The following CLOCK variants were observed in gnomAD, a reference collection of about 807,000 sequenced individuals.
CLOCK encodes circadian locomoter output cycles protein kaput.
A neutral mutation model predicts 118.4 loss-of-function variants in CLOCK; 43 were observed. The observed-to-expected ratio is 0.36, with a 90% CI of 0.28 to 0.47. CLOCK has a LOEUF of 0.47. Ranked by LOEUF, CLOCK falls within the 20% of genes least tolerant of loss-of-function variation. CLOCK has a pLI of 1.00. For synonymous variants in CLOCK, 326 were observed against 339.2 expected (o/e 0.96, Z 0.43); for missense variants, 846 against 999.9 (o/e 0.85, Z 2.08).
chr4:55,512,077 G>C lies in CLOCK; in HGVS notation c.-289-2012C>G, dbSNP rs145569234. Among the ~76,000 whole-genome samples, 997 of 151,950 alleles carry C rather than the reference G, an allele frequency of 6.6e-3. 17 individuals carry two copies. The highest frequency in any genetic ancestry group is 0.022 in the African/African-American group (927 of 41,440). ...AGGATGCTATAAACTTCCATATAAA[G>C]ATTTTTGTATGGATAGAAACTGTCA... On this transcript the variant is annotated intron_variant, in intron 1 of 22. Transcript: ENST00000513440.
At chr4:55,443,969 A>G in intron 19 of CLOCK, 73 bp from the exon 20 acceptor site, 1 of 1,341,904 alleles carries the variant, frequency 7.5e-7, no homozygotes. Flanking sequence ...AAAGAAGGCA[A>G]AATCAAGCTA....
chr4:55,474,486 C>T (rs984227112), intron 7 of CLOCK, among the ~76,000 whole-genome samples: 6 of 152,140 alleles, frequency 3.9e-5, no homozygotes, highest in East Asian at 1.9e-4. Context: ...TGATGAAGGT[C>T]GCTACACTAG....
At position 55,448,808 on chromosome 4, in the gene CLOCK, T is replaced by C. The variant is rs924325080; in HGVS notation, c.1510A>G (p.Asn504Asp). 33 of 1,613,976 alleles carry C rather than the reference T, an allele frequency of 2.0e-5. No homozygotes were observed. Among genetic ancestry groups the C allele is most frequent in the Non-Finnish European group, 2.5e-5 (30 of 1,179,950 alleles). The change falls in exon 18 of 23, where the codon AAT becomes GAT. Residue 504 changes from asparagine (N) to aspartate (D), a missense_variant. Asn to Asp is a conservative substitution (Grantham distance 23, BLOSUM62 1). Coordinates refer to ENST00000513440, the MANE Select transcript of CLOCK (RefSeq NM_004898.4). ...GACATGCCTTGTGGAATTGGTAAAT[T>C]TGTAGCTTGAGACATCACTGGCTGT... The part of the protein sequence containing the change: ...LTQPVMSQAT[N>D]LPIPQGMSQF...
At chr4:55,467,390 CCA>C (rs1725807240) in intron 8 of CLOCK, among the ~76,000 whole-genome samples, 1 of 152,144 alleles carries the variant, frequency 6.6e-6, no homozygotes, top group African/African-American at 2.4e-5. Flanking sequence ...GCTACAACTA[CCA>C]TAACTATCCA....
intron 1 of CLOCK, among the ~76,000 whole-genome samples, chr4:55,512,136 T>TA (rs1419760385): frequency 6.6e-6 from 1 of 152,096 alleles, no homozygotes; most frequent in Admixed American, 6.6e-5. Flanking sequence ...GGTAAGACTA[T>TA]GTTTAGTTTC....
At chr4:55,505,444 G>A (rs769590588) in intron 2 of CLOCK, among the ~76,000 whole-genome samples, 10 of 151,632 alleles carry the variant, frequency 6.6e-5, no homozygotes, top group Non-Finnish European at 1.2e-4. Flanking sequence ...CAGGCAGATC[G>A]TTAGAGCTCA....
intron 1 of CLOCK, among the ~76,000 whole-genome samples, chr4:55,538,771 A>C (rs1415229527): frequency 6.6e-6 from 1 of 152,378 alleles, no homozygotes; most frequent in Non-Finnish European, 1.5e-5. Context: ...AAATTAGCCA[A>C]GGAAAAATAA....
At position 55,463,761 on chromosome 4, in the gene CLOCK, C is replaced by A. The variant is rs759691853; in HGVS notation, c.483G>T (p.Gly161=). The A allele has an allele frequency of 2.5e-6, 4 of 1,611,750 alleles. No homozygotes were observed. The highest frequency in any genetic ancestry group is 3.4e-6 in the Non-Finnish European group (4 of 1,178,512). ...GTATTTTATAAACCTCTGAATGTTC[C>A]CCTTCTGGGATAAAATTAAATATAC... ...DQSIFNFIPE[G]EHSEVYKILS... is the part of the protein sequence containing the mutation. Residue 161 remains glycine, a synonymous_variant, in exon 9 of 23, where the codon GGG becomes GGT. Coordinates refer to ENST00000513440, the MANE Select transcript of CLOCK (RefSeq NM_004898.4).
chr4:55,435,534 G>C lies in CLOCK; in HGVS notation c.2422C>G (p.Leu808Val). 1 of 1,614,068 alleles carries C rather than the reference G, an allele frequency of 6.2e-7. No homozygotes were observed. The highest frequency in any genetic ancestry group is 8.5e-7 in the Non-Finnish European group (1 of 1,179,912). The stretch of plus-strand genomic sequence containing the variant: ...GACTGAGGGAAGGTGCTCTGTTGTA[G>C]AGGAAATGCAGCAGAGAGAATGAGT... ...TQLILSAAFP[L>V]QQSTFPQSHH... Residue 808 changes from leucine (L) to valine (V), a missense_variant, in exon 23 of 23, where the codon CTA becomes GTA. Physicochemically the swap from Leu to Val is conservative, Grantham distance 32. Around this residue, in one of 4 missense-constraint regions of CLOCK, gnomAD observed 520 missense variants for 558.0 expected, o/e 0.93. Transcript: ENST00000513440.
chr4:55,456,869 G>A (rs535909497), intron 11 of CLOCK, among the ~76,000 whole-genome samples: 173 of 152,156 alleles, frequency 1.1e-3, no homozygotes, highest in Non-Finnish European at 3.2e-4. Context: ...ATTTGTAGAG[G>A]TGGGGGGTCT....
At chr4:55,495,061 C>T (rs1439363278) in intron 2 of CLOCK, among the ~76,000 whole-genome samples, 3 of 152,186 alleles carry the variant, frequency 2.0e-5, no homozygotes, top group Non-Finnish European at 4.4e-5. Flanking sequence ...TTACAGCAAC[C>T]TGCATAGGAG....
chr4:55,459,055 C>G, intron 10 of CLOCK, 45 bp from the exon 11 acceptor site: 1 of 1,526,148 alleles, frequency 6.6e-7, no homozygotes, highest in Non-Finnish European at 9.1e-7. Flanking sequence ...GCCAGCAAAA[C>G]CTAATTGTCA....
At chr4:55,442,157 T>C (rs1723423563) in intron 21 of CLOCK, 1 of 408,008 alleles carries the variant, frequency 2.5e-6, no homozygotes. Context: ...ACAGAGCCTG[T>C]CATAAACCTT....
At chr4:55,439,789 G>T (rs756508493) in intron 21 of CLOCK, among the ~76,000 whole-genome samples, 1 of 152,130 alleles carries the variant, frequency 6.6e-6, no homozygotes, top group Non-Finnish European at 1.5e-5. Flanking sequence ...CCATTTATAT[G>T]AGGTACTTAG....
intron 2 of CLOCK, among the ~76,000 whole-genome samples, chr4:55,505,463 A>C (rs1193619006): frequency 6.6e-6 from 1 of 152,016 alleles, no homozygotes; most frequent in African/African-American, 2.4e-5. Context: ...CAGGAGTTCA[A>C]GACCAGCCTG....
chr4:55,539,957 CAAG>C (rs770847080), intron 1 of CLOCK, among the ~76,000 whole-genome samples: 2 of 150,830 alleles, frequency 1.3e-5, no homozygotes, highest in South Asian at 2.1e-4. Context: ...GATAGATAAT[CAAG>C]AAGATTAACA....
intron 2 of CLOCK, among the ~76,000 whole-genome samples, chr4:55,496,680 ATT>A (rs1030924562): frequency 1.3e-5 from 2 of 152,192 alleles, no homozygotes; most frequent in Non-Finnish European, 2.9e-5. Flanking sequence ...TCTGAAGATT[ATT>A]TATCACATTC....
At chr4:55,494,581 AG>A (rs1199746717) in intron 2 of CLOCK, among the ~76,000 whole-genome samples, 4 of 151,970 alleles carry the variant, frequency 2.6e-5, no homozygotes, top group Non-Finnish European at 5.9e-5. Flanking sequence ...GAAGGATAGG[AG>A]GGGGGATGAG....
At chr4:55,546,373 AACG>A (rs1424811723) in intron 1 of CLOCK, 14 of 152,460 alleles carry the variant, frequency 9.2e-5, no homozygotes, top group African/African-American at 3.1e-4. Flanking sequence ...GACACACTAG[AACG>A]ACACGCCAAA....
Sources: allele counts gnomAD v4.1 joint callset (sites outside exome capture counted in the v4.1 genomes callset), GRCh38; gene constraint gnomAD v4.1.1; regional missense constraint gnomAD v4.1.1; transcripts MANE v1.5; gene names NCBI Gene and HGNC (gene_info 2026-07-23, HGNC 2026-07-21).